The following PTBP3 variants were observed in gnomAD, a reference collection of about 807,000 sequenced individuals.
PTBP3 encodes polypyrimidine tract-binding protein 3.
A neutral mutation model predicts 58.7 loss-of-function variants in PTBP3; 20 were observed. The ratio of observed to expected loss-of-function variants is 0.34; its 90% CI spans 0.24 to 0.50. The LOEUF (loss-of-function observed/expected upper bound fraction) is 0.50. PTBP3 is among the 20% of genes least tolerant of loss of function. The pLI, the probability that PTBP3 is intolerant of heterozygous loss-of-function variation, is 0.98. For synonymous variants in PTBP3, 185 were observed against 219.8 expected, an observed-to-expected ratio of 0.84 and a Z score of 1.40; for missense variants, 509 against 637.2, an observed-to-expected ratio of 0.80 and a Z score of 2.17.
At chr9:112,274,014 C>T (rs1056157537) in intron 3 of PTBP3, among the ~76,000 whole-genome samples, 1 of 152,212 alleles carries the variant, frequency 6.6e-6, no homozygotes, top group African/African-American at 2.4e-5. Flanking sequence ...AGCCATTAGA[C>T]ATGGCCATGT....
In PTBP3 at chr9:112,260,045, C is replaced by G. The variant is rs116647712; in HGVS notation, c.516+2390G>C. Among the ~76,000 whole-genome samples, 1,401 of 152,216 alleles carry G rather than the reference C, an allele frequency of 9.2e-3. 27 individuals carry two copies. The highest frequency in any genetic ancestry group is 0.032 in the African/African-American group (1,330 of 41,526). The stretch of plus-strand genomic sequence containing the variant: ...GCCTCAGCCTCCAGAATAGGTGGAA[C>G]TACAGATACATGCCAGCACACCCGG... On this transcript the variant is annotated intron_variant, in intron 5 of 13. Coordinates refer to ENST00000374257, the MANE Select transcript of PTBP3 (RefSeq NM_001163788.4).
chr9:112,251,071 G>C lies in PTBP3; in HGVS notation c.660C>G (p.Cys220Trp), dbSNP rs753064848. 1.9e-6 allele frequency: 3 copies of C among 1,606,788 alleles called. No individual in the cohort carries two copies. The highest frequency in any genetic ancestry group is 2.5e-6 in the Non-Finnish European group (3 of 1,176,558). The change falls in exon 7 of 14, where the codon TGC becomes TGG. Residue 220 changes from cysteine to tryptophan, a missense_variant. This residue lies in a region of PTBP3 where 41 missense variants were observed against 78.0 expected (regional missense o/e 0.53). Transcript: ENST00000374257. The part of the protein sequence containing the change: ...ALDGQNIYNA[C>W]CTLRIDFSKL... ...TGGAGAAGTCAATGCGCAGAGTGCA[G>C]CATGCATTATAGATATTCTGGCCAT...
At chr9:112,346,248 A>G in the PTBP3 span, among the ~76,000 whole-genome samples, 5 of 151,226 alleles carry the variant, frequency 3.3e-5, no homozygotes, top group Non-Finnish European at 5.9e-5. Context: ...GCTTGCTGCA[A>G]CCTTTGTCTC....
intron 7 of PTBP3, among the ~76,000 whole-genome samples, chr9:112,241,315 G>A (rs1835652641): frequency 6.6e-6 from 1 of 152,112 alleles, no homozygotes; most frequent in Admixed American, 6.5e-5. Flanking sequence ...TGTTGGCCAG[G>A]CTGGTCTCAA....
At chr9:112,256,609 T>C (rs77585058) in intron 5 of PTBP3, among the ~76,000 whole-genome samples, 2,234 of 152,180 alleles carry the variant, frequency 0.015, 24 homozygotes, top group Non-Finnish European at 0.022. Context: ...TAGTTCACTA[T>C]AACCTTGAAC....
At position 112,221,281 on chromosome 9, in the gene PTBP3, T is replaced by TCA. The variant is rs148934435; in HGVS notation, c.*2568_*2569dup. On this transcript the variant is annotated 3_prime_UTR_variant, in exon 14 of 14. Coordinates refer to ENST00000374257, the MANE Select transcript of PTBP3 (RefSeq NM_001163788.4). ...TACACTTATCTACACACACACACAT[T>TCA]CACACACACACACAAACACACCCCT... The TCA allele has an allele frequency of 4.5e-5, 44 of 976,930 alleles. No individual in the cohort carries two copies. The highest frequency in any genetic ancestry group is 2.6e-4 in the African/African-American group (15 of 56,940). 60.5% of individuals were successfully genotyped at this position (976,930 alleles called of 1,614,324 possible).
intron 5 of PTBP3, among the ~76,000 whole-genome samples, chr9:112,260,402 G>C (rs144951438): frequency 6.6e-5 from 10 of 152,312 alleles, no homozygotes; most frequent in Non-Finnish European, 1.2e-4. Flanking sequence ...ACTACCTCTA[G>C]ACCCTGTATC....
chr9:112,328,745 A>G (rs1157260522), intron 1 of PTBP3, among the ~76,000 whole-genome samples: 1 of 152,192 alleles, frequency 6.6e-6, no homozygotes, highest in Non-Finnish European at 1.5e-5. Flanking sequence ...AACTATGATC[A>G]TGCCACCACT....
chr9:112,252,511 T>C lies in PTBP3; in HGVS notation c.627+167A>G, dbSNP rs540138361. 186 of 515,346 alleles carry C rather than the reference T, an allele frequency of 3.6e-4. 1 individual carries two copies. The highest frequency in any genetic ancestry group is 1.7e-3 in the South Asian group (83 of 47,970). The allele number at this position is 515,346 out of a possible 1,614,324, so 31.9% of individuals were successfully genotyped here. On this transcript the variant is annotated intron_variant, in intron 6 of 13. Transcript: ENST00000374257. Reference sequence around the variant, plus strand: ...GTTTCATATGAAGTAGTAATGATTTTTAGCTTAGAAAAAAAAAACATGGAA... The same window carrying C: ...GTTTCATATGAAGTAGTAATGATTTCTAGCTTAGAAAAAAAAAACATGGAA...
intron 2 of PTBP3, among the ~76,000 whole-genome samples, chr9:112,285,105 AATC>A (rs764120053): frequency 1.0e-3 from 153 of 152,340 alleles, no homozygotes; most frequent in Non-Finnish European, 2.0e-3. Flanking sequence ...CTGGAATTGT[AATC>A]ATCATGATTC....
At chr9:112,234,239 C>T (rs149078281) in intron 8 of PTBP3, among the ~76,000 whole-genome samples, 92 of 152,232 alleles carry the variant, frequency 6.0e-4, no homozygotes, top group Middle Eastern at 3.4e-3. Context: ...TCATTATCAA[C>T]GTATTAATCA....
At chr9:112,368,062 T>C in the PTBP3 span, among the ~76,000 whole-genome samples, 1 of 152,208 alleles carries the variant, frequency 6.6e-6, no homozygotes, top group African/African-American at 2.4e-5. Flanking sequence ...TGGCACAATC[T>C]TGGTTCACTG....
Position 112,282,115 on chromosome 9 carries a change from A to G in PTBP3, c.35-6102T>C, listed in dbSNP as rs573019946. On this transcript the variant is annotated intron_variant, in intron 2 of 13. Transcript: ENST00000374257. ...CCCACCTTCATCATGTAATCTAAAC[A>G]TTATTTCCCAAAGGTCCCAGCTCTA... is the stretch of plus-strand genomic sequence containing the variant. Among the ~76,000 whole-genome samples the G allele has an allele frequency of 1.1e-4, 17 of 152,266 alleles. No homozygotes were observed. The South Asian group carries it at 3.1e-3, about 28-fold the overall frequency.
intron 2 of PTBP3, among the ~76,000 whole-genome samples, chr9:112,277,936 CATAACATAAT>C (rs1271632938): frequency 0.023 from 1,850 of 78,770 alleles, 17 homozygotes; most frequent in African/African-American, 0.029. Flanking sequence ...CATAACATAA[CATAACATAAT>C]ATAACATAAC....
At chr9:112,266,153 G>T (rs1329179209) in intron 4 of PTBP3, among the ~76,000 whole-genome samples, 1 of 152,098 alleles carries the variant, frequency 6.6e-6, no homozygotes, top group Non-Finnish European at 1.5e-5. Flanking sequence ...TCAGTTTGAG[G>T]TGATGGGAAA....
Position 112,227,539 on chromosome 9 carries a change from C to G in PTBP3, c.1236G>C (p.Glu412Asp). Residue 412 changes from glutamate (E) to aspartate (D), a missense_variant, in exon 12 of 14, where the codon GAG (glutamate) becomes GAC (aspartate). Glu to Asp is a conservative substitution (Grantham distance 45, BLOSUM62 2). This residue lies in a region of PTBP3 where 135 missense variants were observed against 229.0 expected (regional missense o/e 0.59). Transcript: ENST00000374257. ...SKHQAVQLPR[E>D]GQEDQGLTKD... ...TAGTCAGACCTTGGTCTTCTTGTCC[C>G]TCTCGAGGAAGCTGTACTGCTTGAT... The G allele has an allele frequency of 1.2e-6, 2 of 1,613,920 alleles. No homozygotes were observed. Among genetic ancestry groups the G allele is most frequent in the Non-Finnish European group, 1.7e-6 (2 of 1,179,918 alleles).
At chr9:112,287,553 C>A (rs1359161480) in intron 2 of PTBP3, among the ~76,000 whole-genome samples, 1 of 151,712 alleles carries the variant, frequency 6.6e-6, no homozygotes, top group East Asian at 1.9e-4. Context: ...GTTGGTCAGG[C>A]TGGTCTCAAA....
upstream of PTBP3, chr9:112,333,638 C>G (rs1345418193): frequency 2.1e-5 from 15 of 707,478 alleles, no homozygotes; most frequent in Non-Finnish European, 2.8e-5. Flanking sequence ...GGGCGGGGAC[C>G]GGGCACGCTC....
At chr9:112,218,279 T>C (rs1421565485), downstream of PTBP3, 2 of 152,268 alleles carry the variant, frequency 1.3e-5, no homozygotes, top group Admixed American at 6.5e-5. Flanking sequence ...ATTTTGTGTT[T>C]TTCCCATTTT....
Sources: gnomAD v4.1 joint callset for allele counts (sites outside exome capture counted in the v4.1 genomes callset) on GRCh38, gnomAD v4.1.1 for gene constraint, gnomAD v4.1.1 regional missense constraint, MANE v1.5 for transcripts, NCBI Gene and HGNC (gene_info 2026-07-23, HGNC 2026-07-21) for gene names.